CAMK1D: variants seen among roughly 807,000 people sequenced by gnomAD.
CAMK1D encodes the protein calcium/calmodulin dependent protein kinase ID, also known as calcium/calmodulin-dependent protein kinase type 1D.
A neutral mutation model predicts 47.7 loss-of-function variants in CAMK1D; 9 were observed. That is an observed-to-expected ratio of 0.19 (90% CI 0.11 to 0.33). CAMK1D has a LOEUF of 0.33. Among genes scored for constraint, CAMK1D ranks in the 10% least tolerant of loss-of-function variants. The probability of loss-of-function intolerance (pLI) is 1.00; values close to 1 mark genes in which losing one functional copy is unlikely to be tolerated. For synonymous variants in CAMK1D, 184 were observed against 184.9 expected (o/e 0.99, Z 0.04); for missense variants, 291 against 488.7 (o/e 0.60, Z 3.81).
At chr10:12,622,638 G>A (rs1839034444) in intron 2 of CAMK1D, among the ~76,000 whole-genome samples, 1 of 152,082 alleles carries the variant, frequency 6.6e-6, no homozygotes, top group African/African-American at 2.4e-5. Context: ...TGGATTTTGA[G>A]CCCCATGGTT....
intron 9 of CAMK1D, 71 bp from the exon 10 acceptor site, chr10:12,825,500 CAA>C (rs1564591782): frequency 2.1e-6 from 3 of 1,432,942 alleles, no homozygotes; most frequent in Non-Finnish European, 1.9e-6. Flanking sequence ...ATGTGATAAA[CAA>C]GAGAACACAG....
intron 1 of CAMK1D, among the ~76,000 whole-genome samples, chr10:12,419,281 G>A (rs1168344290): frequency 6.6e-6 from 1 of 152,026 alleles, no homozygotes; most frequent in Admixed American, 6.6e-5. Context: ...GCAAGAGTGA[G>A]AAAACCAAAC....
intron 1 of CAMK1D, among the ~76,000 whole-genome samples, chr10:12,418,060 C>G (rs1182678359): frequency 6.6e-6 from 1 of 152,194 alleles, no homozygotes; most frequent in East Asian, 1.9e-4. Flanking sequence ...CCCGCCTTGG[C>G]CTCCCAAAGT....
chr10:12,415,811 T>C (rs371956746), intron 1 of CAMK1D: 4 of 151,862 alleles, frequency 2.6e-5, no homozygotes, highest in South Asian at 4.2e-4. Context: ...GGCTTTTTTT[T>C]TTCTTTTTTT....
intron 5 of CAMK1D, among the ~76,000 whole-genome samples, chr10:12,778,522 T>C (rs566458451): frequency 7.2e-5 from 11 of 152,234 alleles, no homozygotes; most frequent in African/African-American, 2.4e-4. Context: ...CTGCAGTAGA[T>C]TGTGGTAGAT....
At chr10:12,627,536 T>C (rs1839256005) in intron 2 of CAMK1D, among the ~76,000 whole-genome samples, 1 of 152,192 alleles carries the variant, frequency 6.6e-6, no homozygotes, top group African/African-American at 2.4e-5. Flanking sequence ...ATGTCTCTTA[T>C]TAGTTAATTC....
At chr10:12,619,041 G>A (rs761050609) in intron 2 of CAMK1D, among the ~76,000 whole-genome samples, 1 of 152,192 alleles carries the variant, frequency 6.6e-6, no homozygotes, top group Non-Finnish European at 1.5e-5. Flanking sequence ...TACCTGAGAT[G>A]TCTGTTTTTA....
At chr10:12,624,959 C>T (rs1342161028) in intron 2 of CAMK1D, among the ~76,000 whole-genome samples, 2 of 151,492 alleles carry the variant, frequency 1.3e-5, no homozygotes, top group African/African-American at 4.9e-5. Context: ...CTTTCTTCCC[C>T]CTTCTCCTTC....
At chr10:12,630,376 T>TC (rs1263014818) in intron 2 of CAMK1D, among the ~76,000 whole-genome samples, 8 of 129,086 alleles carry the variant, frequency 6.2e-5, no homozygotes, top group South Asian at 5.9e-4. Flanking sequence ...TTTCTTTCTT[T>TC]TTTTTTTTTT....
chr10:12,741,355 G>C (rs1431742158), intron 3 of CAMK1D, among the ~76,000 whole-genome samples: 1 of 152,152 alleles, frequency 6.6e-6, no homozygotes, highest in Non-Finnish European at 1.5e-5. Flanking sequence ...TGCACAGATG[G>C]GTAAATGCAT....
At chr10:12,565,358 A>T (rs904313986) in intron 2 of CAMK1D, among the ~76,000 whole-genome samples, 1 of 152,068 alleles carries the variant, frequency 6.6e-6, no homozygotes, top group African/African-American at 2.4e-5. Context: ...CAAGCAATTG[A>T]TTCTCCTGCC....
chr10:12,654,553 A>G (rs1840065892), intron 2 of CAMK1D, among the ~76,000 whole-genome samples: 2 of 152,078 alleles, frequency 1.3e-5, no homozygotes, highest in Non-Finnish European at 1.5e-5. Context: ...GCTAAGAAAT[A>G]GTAGAAGAAG....
chr10:12,494,706 A>G (rs1002566128), intron 1 of CAMK1D, among the ~76,000 whole-genome samples: 5 of 152,184 alleles, frequency 3.3e-5, no homozygotes, highest in Admixed American at 3.3e-4. Flanking sequence ...CTGGGACTAC[A>G]GGCATGTGCC....
rs530271639 is a variant in CAMK1D at position 12,816,445 on chromosome 10, A to T, written c.833+117A>T. ...TCCACACAGGATTATTACAAATTTC[A>T]TCTCATTCTGGCCAGTGACTTTCCT... On this transcript the variant is annotated intron_variant, in intron 8 of 10. Coordinates refer to ENST00000619168, the MANE Select transcript of CAMK1D (RefSeq NM_153498.4). 3.7e-6 allele frequency: 3 copies of T among 811,676 alleles called. No individual in the cohort carries two copies. The East Asian group carries it at 8.2e-5, about 22-fold the overall frequency. The allele number at this position is 811,676 out of a possible 1,614,324, so 50.3% of individuals were successfully genotyped here. A position where few individuals can be genotyped will look rare whatever the true frequency, so the allele number is the denominator to read the frequency against.
chr10:12,733,311 T>A (rs1037700270), intron 3 of CAMK1D, among the ~76,000 whole-genome samples: 1 of 152,158 alleles, frequency 6.6e-6, no homozygotes, highest in Non-Finnish European at 1.5e-5. Flanking sequence ...GCAGTGAAGA[T>A]GGAGTTAGAA....
chr10:12,745,058 A>C (rs1371836353), intron 3 of CAMK1D, among the ~76,000 whole-genome samples: 1 of 152,244 alleles, frequency 6.6e-6, no homozygotes, highest in African/African-American at 2.4e-5. Flanking sequence ...CTCATTGAAC[A>C]GTCTCGCCAT....
chr10:12,732,583 C>G (rs1834938188), intron 3 of CAMK1D, among the ~76,000 whole-genome samples: 1 of 152,042 alleles, frequency 6.6e-6, no homozygotes, highest in Non-Finnish European at 1.5e-5. Flanking sequence ...GTGGAAACCC[C>G]TGGTAAACCC....
At chr10:12,738,668 T>TA (rs1268916626) in intron 3 of CAMK1D, among the ~76,000 whole-genome samples, 14 of 151,762 alleles carry the variant, frequency 9.2e-5, no homozygotes, top group Non-Finnish European at 1.5e-4. Context: ...CCATCTCTAC[T>TA]AAAAATGCAA....
intron 3 of CAMK1D, among the ~76,000 whole-genome samples, chr10:12,758,037 G>C (rs1178858506): frequency 6.6e-6 from 1 of 151,960 alleles, no homozygotes; most frequent in East Asian, 1.9e-4. Context: ...TTTTTGTAGA[G>C]ACTGGTTTTC....
Sources: gnomAD v4.1 joint callset for allele counts (sites outside exome capture counted in the v4.1 genomes callset) on GRCh38, gnomAD v4.1.1 for gene constraint, MANE v1.5 for transcripts, NCBI Gene and HGNC (gene_info 2026-07-23, HGNC 2026-07-21) for gene names.